The following DDX11 variants were observed in gnomAD, a reference collection of about 807,000 sequenced individuals.
The protein encoded by DDX11 is DEAD/H-box helicase 11.
A neutral mutation model predicts 125.2 loss-of-function variants in DDX11; 72 were observed. That is an observed-to-expected ratio of 0.58 (90% CI 0.48 to 0.70). DDX11 has a LOEUF of 0.70. DDX11 is among the 30% of genes least tolerant of loss of function. The pLI is 0.00. For missense variants in DDX11, 883 were observed against 1,165.0 expected (o/e 0.76, Z 3.52); for synonymous variants, 347 against 452.6 (o/e 0.77, Z 2.96).
intron 1 of DDX11, among the ~76,000 whole-genome samples, chr12:31,076,703 T>G (rs1443570158): frequency 6.6e-6 from 1 of 152,232 alleles, no homozygotes; most frequent in Non-Finnish European, 1.5e-5. Context: ...CTCAAAAATT[T>G]GTTAGGTACC....
At chr12:31,099,279 G>A (rs534947664) in intron 18 of DDX11, among the ~76,000 whole-genome samples, 2 of 151,620 alleles carry the variant, frequency 1.3e-5, no homozygotes, top group South Asian at 4.2e-4. Context: ...TAGAGATGGG[G>A]TTTTACCATG....
intron 2 of DDX11, among the ~76,000 whole-genome samples, chr12:31,082,781 C>T (rs1022515969): frequency 5.3e-5 from 8 of 152,222 alleles, no homozygotes; most frequent in African/African-American, 9.6e-5. Flanking sequence ...CATCCCACAG[C>T]GCTGGAGGCT....
In DDX11 at chr12:31,101,110, A is replaced by G. The variant is rs1259354079; in HGVS notation, c.2032A>G (p.Lys678Glu). ...SNQPLEFTFQ[K>E]RELPQMMDEV... ...CCAGCCGCTGGAATTCACGTTCCAGAAAAGAGAGCTGCCTCAGATGGTCAG... is the reference window on the plus strand; with the variant it reads ...CCAGCCGCTGGAATTCACGTTCCAGGAAAGAGAGCTGCCTCAGATGGTCAG... Residue 678 changes from lysine (K) to glutamate (E), a missense_variant, in exon 20 of 27, where the codon AAA becomes GAA. Physicochemically the swap from Lys to Glu is moderately conservative, Grantham distance 56. Coordinates refer to ENST00000542838, the MANE Select transcript of DDX11 (RefSeq NM_030653.4). The G allele has an allele frequency of 7.4e-6, 12 of 1,614,052 alleles. No individual in the cohort carries two copies. The highest frequency in any genetic ancestry group is 2.2e-5 in the East Asian group (1 of 44,868).
At chr12:31,092,820 G>C in intron 10 of DDX11, 26 bp from the exon 11 acceptor site, 3 of 1,612,778 alleles carry the variant, frequency 1.9e-6, no homozygotes, top group South Asian at 1.1e-5. Flanking sequence ...TGCTTGCTCA[G>C]AGCCTGGTTT....
Position 31,089,122 on chromosome 12 carries a change from G to A in DDX11, c.763G>A (p.Val255Ile), listed in dbSNP as rs769303941. ...GAAGAAGAGCCCCTTTGGCAAGGAT[G>A]TTCGGCTGGTCTCCCTTGGCTCCCG... Reference protein sequence around the residue: ...EVKKSPFGKDVRLVSLGSRQN... With the variant: ...EVKKSPFGKDIRLVSLGSRQN... The change falls in exon 7 of 27, where the codon GTT becomes ATT. Residue 255 changes from valine (V) to isoleucine (I), a missense_variant. Around this residue, in one of 5 missense-constraint regions of DDX11, gnomAD observed 283 missense variants for 359.6 expected, o/e 0.79. Coordinates refer to ENST00000542838, the MANE Select transcript of DDX11 (RefSeq NM_030653.4). 1.1e-5 allele frequency: 17 copies of A among 1,613,882 alleles called. No homozygotes were observed. The East Asian group carries it at 3.1e-4, about 30-fold the overall frequency.
At chr12:31,080,331 T>C (rs1941638320) in intron 2 of DDX11, among the ~76,000 whole-genome samples, 2 of 152,128 alleles carry the variant, frequency 1.3e-5, no homozygotes, top group African/African-American at 4.8e-5. Context: ...GTGCCTGCTT[T>C]CAGCCTGGCC....
chr12:31,076,605 C>T (rs1201086998), intron 1 of DDX11, among the ~76,000 whole-genome samples: 2 of 152,128 alleles, frequency 1.3e-5, no homozygotes, highest in Non-Finnish European at 2.9e-5. Context: ...CATCAGTATC[C>T]AGTAGCTGTA....
intron 2 of DDX11, among the ~76,000 whole-genome samples, chr12:31,082,571 C>G (rs1194379652): frequency 6.6e-6 from 1 of 152,040 alleles, no homozygotes; most frequent in Non-Finnish European, 1.5e-5. Flanking sequence ...CCTCTGGGTT[C>G]AGCAGGCTCA....
intron 18 of DDX11, among the ~76,000 whole-genome samples, chr12:31,098,617 C>T (rs60746756): frequency 6.6e-6 from 1 of 152,266 alleles, no homozygotes; most frequent in Admixed American, 6.5e-5. Flanking sequence ...AACCGCATTT[C>T]TGCACAGTGG....
chr12:31,103,463 G>A, intron 25 of DDX11, 68 bp downstream of exon 25: 1 of 1,601,444 alleles, frequency 6.2e-7, no homozygotes, highest in East Asian at 2.3e-5. Flanking sequence ...GGAAAGAGGG[G>A]TTGCCTGCCC....
chr12:31,090,243 G>C (rs1414205876), intron 9 of DDX11, 149 bp downstream of exon 9: 2 of 825,390 alleles, frequency 2.4e-6, no homozygotes, highest in Non-Finnish European at 4.0e-6. Context: ...TGATGTGTGA[G>C]TTGGAGGAGG....
chr12:31,086,312 C>CT (rs1484888511), intron 5 of DDX11: 1 of 389,684 alleles, frequency 2.6e-6, no homozygotes, highest in African/African-American at 2.1e-5. Flanking sequence ...GCTCGAGCTG[C>CT]TTCAGGGCAG....
At chr12:31,087,895 T>G (rs1464274075) in intron 5 of DDX11, 43 bp from the exon 6 acceptor site, 1 of 1,594,814 alleles carries the variant, frequency 6.3e-7, no homozygotes, top group East Asian at 2.3e-5. Flanking sequence ...TTTGCTGAGT[T>G]TGCTGAGGGA....
Position 31,096,672 on chromosome 12 carries a change from C to G in DDX11, c.1557C>G (p.Phe519Leu), listed in dbSNP as rs764523679. The G allele has an allele frequency of 2.5e-6, 4 of 1,613,992 alleles. No homozygotes were observed. Among genetic ancestry groups the G allele is most frequent in the Non-Finnish European group, 2.5e-6 (3 of 1,179,970 alleles). The change falls in exon 16 of 27, where the codon TTC (phenylalanine) becomes TTG (leucine). Residue 519 changes from phenylalanine (F) to leucine (L), a missense_variant. By Grantham distance (22) the Phe-to-Leu change is conservative (BLOSUM62 0). Around this residue, in one of 5 missense-constraint regions of DDX11, gnomAD observed 241 missense variants for 279.7 expected, o/e 0.86. Coordinates refer to ENST00000542838, the MANE Select transcript of DDX11 (RefSeq NM_030653.4). ...FGFTERYGAV[F>L]SSREQPKLAG... ...TCACTGAACGGTACGGAGCAGTGTT[C>G]TCATCCCGGGAGCAGCCCAAACTGG...
chr12:31,102,867 C>G, intron 23 of DDX11, 69 bp from the exon 24 acceptor site: 4 of 1,410,110 alleles, frequency 2.8e-6, no homozygotes, highest in Non-Finnish European at 4.0e-6. Flanking sequence ...AACGGAGCAG[C>G]TGGTGACGTG....
At chr12:31,089,178 G>C in intron 7 of DDX11, 27 bp downstream of exon 7, 1 of 1,586,356 alleles carries the variant, frequency 6.3e-7, no homozygotes, top group Non-Finnish European at 8.7e-7. Context: ...ATTTCCACCA[G>C]GGGCCATCCT....
At chr12:31,096,102 C>T (rs1945171197) in intron 14 of DDX11, among the ~76,000 whole-genome samples, 1 of 151,874 alleles carries the variant, frequency 6.6e-6, no homozygotes. Flanking sequence ...TTGAGAGAGA[C>T]ATTTGGAAAG....
At chr12:31,099,076 C>CTTTTTTTTTTTTTTTTT in intron 18 of DDX11, among the ~76,000 whole-genome samples, 1 of 60,554 alleles carries the variant, frequency 1.7e-5, no homozygotes, top group Non-Finnish European at 3.0e-5. Flanking sequence ...GTATTTCTTT[C>CTTTTTTTTTTTTTTTTT]TTTCTTTCTT....
intron 16 of DDX11, 33 bp from the exon 17 acceptor site, chr12:31,096,826 A>G (rs780574130): frequency 1.9e-6 from 3 of 1,614,170 alleles, no homozygotes; most frequent in Non-Finnish European, 1.7e-6. Flanking sequence ...ACCTGACCAG[A>G]GGGAGGCCTC....
Sources: allele counts gnomAD v4.1 joint callset (sites outside exome capture counted in the v4.1 genomes callset), GRCh38; gene constraint gnomAD v4.1.1; regional missense constraint gnomAD v4.1.1; transcripts MANE v1.5; gene names NCBI Gene and HGNC (gene_info 2026-07-23, HGNC 2026-07-21).